Variants in RFX4 observed in about 807,000 individuals in gnomAD.
The protein encoded by RFX4 is transcription factor RFX4.
RFX4 carries 10 observed loss-of-function variants against 95.0 expected under a neutral mutation model. That is an observed-to-expected ratio of 0.11 (90% confidence interval 0.06 to 0.18). The LOEUF (loss-of-function observed/expected upper bound fraction) is 0.18, where lower values mean the gene tolerates loss of function less well. Ranked by LOEUF, RFX4 falls within the 10% of genes least tolerant of loss-of-function variation. The pLI is 1.00. For synonymous variants in RFX4, 321 were observed against 340.7 expected (o/e 0.94, Z 0.64); for missense variants, 640 against 922.0 (o/e 0.69, Z 3.96).
At chr12:106,665,238 G>A (rs1193266556) in intron 4 of RFX4, among the ~76,000 whole-genome samples, 1 of 151,826 alleles carries the variant, frequency 6.6e-6, no homozygotes, top group Non-Finnish European at 1.5e-5. Flanking sequence ...ATTATATAAT[G>A]CCCTTCTTTA....
rs777040310 is a variant in RFX4, at chr12:106,709,430, T to G, written c.934T>G (p.Leu312Val). Reference sequence around the variant, plus strand: ...AAACTTGCGAAACATCAAGTTCGAATGTAAGTACTGAGTTGAGAGCGGGAT... The same window carrying G: ...AAACTTGCGAAACATCAAGTTCGAAGGTAAGTACTGAGTTGAGAGCGGGAT... ...PENLRNIKFE[L>V]SRRFSQILRR... Residue 312 changes from leucine (L) to valine (V), a missense_variant and splice_region_variant, in exon 9 of 18, where the codon TTG becomes GTG. Leu to Val is a conservative substitution (Grantham distance 32, BLOSUM62 1). This residue lies in a region of RFX4 where 96 missense variants were observed against 183.7 expected (regional missense o/e 0.52). Coordinates refer to ENST00000392842, the MANE Select transcript of RFX4 (RefSeq NM_213594.3). 1.2e-5 allele frequency: 20 copies of G among 1,609,964 alleles called. No individual in the cohort carries two copies. In the East Asian group the frequency reaches 4.2e-4, roughly 34 times the overall value.
chr12:106,666,024 C>T (rs1470464173), intron 4 of RFX4, among the ~76,000 whole-genome samples: 1 of 151,988 alleles, frequency 6.6e-6, no homozygotes, highest in African/African-American at 2.4e-5. Context: ...CAATTTCCTT[C>T]TCCCTAAAGA....
Position 106,747,611 on chromosome 12 carries a change from T to C in RFX4, c.1796+12T>C. The C allele has an allele frequency of 6.2e-7, 1 of 1,611,792 alleles. No individual in the cohort carries two copies. Among genetic ancestry groups the C allele is most frequent in the South Asian group, 1.1e-5 (1 of 91,000 alleles). Reference sequence around the variant, plus strand: ...AGAGAGGAACATGGGTAGGTAACTTTCCAGGGATGCTGCTGGACTTTTAAA... The same window carrying C: ...AGAGAGGAACATGGGTAGGTAACTTCCCAGGGATGCTGCTGGACTTTTAAA... On this transcript the variant is annotated intron_variant, in intron 16 of 17. Transcript: ENST00000392842.
intron 8 of RFX4, among the ~76,000 whole-genome samples, chr12:106,708,744 C>T (rs893145036): frequency 3.3e-5 from 5 of 152,212 alleles, no homozygotes; most frequent in African/African-American, 1.2e-4. Flanking sequence ...CATCTTATTG[C>T]AACCTACTGC....
At chr12:106,610,723 A>T (rs893805139) in intron 2 of RFX4, among the ~76,000 whole-genome samples, 2 of 152,236 alleles carry the variant, frequency 1.3e-5, no homozygotes, top group African/African-American at 4.8e-5. Context: ...ATTGATGGGC[A>T]ATTGAGTTGT....
chr12:106,737,487 G>A (rs1227422411), intron 15 of RFX4, among the ~76,000 whole-genome samples: 1 of 151,588 alleles, frequency 6.6e-6, no homozygotes, highest in Admixed American at 6.6e-5. Flanking sequence ...ATGAAGGAGA[G>A]GGGAGAAAAG....
chr12:106,592,863 T>C (rs537134855), intron 1 of RFX4, among the ~76,000 whole-genome samples: 2 of 152,344 alleles, frequency 1.3e-5, no homozygotes, highest in African/African-American at 4.8e-5. Context: ...TACACTTTGA[T>C]GTTTACTAAC....
intron 1 of RFX4, among the ~76,000 whole-genome samples, chr12:106,593,303 C>G (rs1045512621): frequency 2.5e-4 from 38 of 152,304 alleles, no homozygotes; most frequent in African/African-American, 8.2e-4. Context: ...TTTCCAGCTA[C>G]CCAGTAGTTG....
At chr12:106,731,753 TGA>T (rs1407776472) in intron 13 of RFX4, among the ~76,000 whole-genome samples, 3 of 152,144 alleles carry the variant, frequency 2.0e-5, no homozygotes, top group East Asian at 3.9e-4. Flanking sequence ...GAGATAAAAA[TGA>T]GAGACACTAT....
rs2039454760 is a variant in RFX4, at chr12:106,586,171, C to T, written c.43+2808C>T. Among the ~76,000 whole-genome samples the T allele has an allele frequency of 6.6e-6, 1 of 152,142 alleles. No individual in the cohort carries two copies. The highest frequency in any genetic ancestry group is 6.5e-5 in the Admixed American group (1 of 15,286). On this transcript the variant is annotated intron_variant, in intron 1 of 17. Coordinates refer to ENST00000392842, the MANE Select transcript of RFX4 (RefSeq NM_213594.3). This position sits in a 1 kb window ranked among gnomAD's most constrained non-coding sequence, Gnocchi z 5.6. ...CGCGCCGCGGTGCTCCGGCAGGAGG[C>T]AAAGGCGACAGGCGCGCGCAGGGGC...
rs2137530217 is a variant in RFX4, at chr12:106,720,909, C to T, written c.1351+33C>T. 1 of 1,590,618 alleles carries T rather than the reference C, an allele frequency of 6.3e-7. No homozygotes were observed. Among genetic ancestry groups the T allele is most frequent in the East Asian group, 2.2e-5 (1 of 44,782 alleles). On this transcript the variant is annotated intron_variant, in intron 13 of 17. Transcript: ENST00000392842. The surrounding 1 kb of genome is among the most constrained non-coding windows in gnomAD (Gnocchi z 4.2). ...CACCCCAGCCCTCCCCATCTCCAAG[C>T]ACTTTTTCCTCTGGGCACGGAGCCC...
At chr12:106,649,198 TGAA>T (rs1263558450) in intron 3 of RFX4, among the ~76,000 whole-genome samples, 1 of 152,080 alleles carries the variant, frequency 6.6e-6, no homozygotes, top group Non-Finnish European at 1.5e-5. Context: ...TCATCAGATA[TGAA>T]GAAGAATAAT....
chr12:106,713,762 G>T (rs1383419335), intron 10 of RFX4, among the ~76,000 whole-genome samples: 1 of 152,110 alleles, frequency 6.6e-6, no homozygotes, highest in Non-Finnish European at 1.5e-5. Flanking sequence ...GATGGTTAGA[G>T]ACACTATTAA....
intron 13 of RFX4, among the ~76,000 whole-genome samples, chr12:106,726,792 G>T (rs2042507075): frequency 6.6e-6 from 1 of 151,900 alleles, no homozygotes; most frequent in Non-Finnish European, 1.5e-5. Context: ...TTTTTTTTGA[G>T]ACAGAGTCTC....
At chr12:106,664,087 G>T (rs765222652) in intron 4 of RFX4, among the ~76,000 whole-genome samples, 1 of 151,914 alleles carries the variant, frequency 6.6e-6, no homozygotes, top group African/African-American at 2.4e-5. Context: ...GAGTTAGGAA[G>T]TAGTCCCTCT....
chr12:106,724,916 G>T (rs894736417), intron 13 of RFX4, among the ~76,000 whole-genome samples: 2 of 151,732 alleles, frequency 1.3e-5, no homozygotes, highest in Non-Finnish European at 2.9e-5. Context: ...GGAGGCTGAG[G>T]CAGGAGAATC....
chr12:106,604,293 T>C (rs2039778366), intron 1 of RFX4, among the ~76,000 whole-genome samples: 1 of 151,924 alleles, frequency 6.6e-6, no homozygotes, highest in African/African-American at 2.4e-5. Context: ...GGCTAATTTT[T>C]GTATTTTTAG....
intron 8 of RFX4, 149 bp from the exon 9 acceptor site, chr12:106,709,181 C>A: frequency 1.5e-6 from 1 of 664,126 alleles, no homozygotes. Context: ...AGGGCTTGGA[C>A]TGTTGGCACT....
intron 1 of RFX4, among the ~76,000 whole-genome samples, chr12:106,596,740 C>T (rs531951927): frequency 5.9e-5 from 9 of 152,250 alleles, no homozygotes; most frequent in Admixed American, 2.0e-4. Context: ...TTTTTCATTC[C>T]GATTTTATAT....
Sources: allele counts gnomAD v4.1 joint callset (sites outside exome capture counted in the v4.1 genomes callset), GRCh38; gene constraint gnomAD v4.1.1; regional missense constraint gnomAD v4.1.1; non-coding constraint Gnocchi (gnomAD v3.1); transcripts MANE v1.5; gene names NCBI Gene and HGNC (gene_info 2026-07-23, HGNC 2026-07-21).